The following KIAA0586 variants were observed in gnomAD, a reference collection of about 807,000 sequenced individuals.
The protein encoded by KIAA0586 is protein TALPID3.
KIAA0586 carries 144 observed loss-of-function variants against 169.8 expected under a neutral mutation model. The ratio of observed to expected loss-of-function variants is 0.85; its 90% CI spans 0.74 to 0.97. The LOEUF (loss-of-function observed/expected upper bound fraction) is 0.97. KIAA0586 is among the 50% of genes least tolerant of loss of function. The pLI, the probability that KIAA0586 is intolerant of heterozygous loss-of-function variation, is 0.00. For synonymous variants in KIAA0586, 625 were observed against 612.4 expected, an observed-to-expected ratio of 1.02 and a Z score of -0.30; for missense variants, 1,854 against 1,823.0, an observed-to-expected ratio of 1.02 and a Z score of -0.31.
intron 6 of KIAA0586, among the ~76,000 whole-genome samples, chr14:58,445,949 G>A (rs112765075): frequency 2.8e-4 from 42 of 151,338 alleles, no homozygotes; most frequent in African/African-American, 1.0e-3. Flanking sequence ...GTTCACTGCA[G>A]CCTCCGCCTC....
At chr14:58,471,335 T>A (rs963516841) in intron 17 of KIAA0586, among the ~76,000 whole-genome samples, 1 of 152,212 alleles carries the variant, frequency 6.6e-6, no homozygotes, top group Non-Finnish European at 1.5e-5. Flanking sequence ...ATTATAGATA[T>A]CCTAAATGAA....
chr14:58,540,240 T>G, intron 30 of KIAA0586, 104 bp downstream of exon 30: 1 of 632,166 alleles, frequency 1.6e-6, no homozygotes, highest in South Asian at 2.2e-5. Context: ...GAAATACTAA[T>G]AGCAATTTTT....
At chr14:58,559,005 C>T in the KIAA0586 span, among the ~76,000 whole-genome samples, 1 of 152,160 alleles carries the variant, frequency 6.6e-6, no homozygotes. Context: ...TGGATGCGGT[C>T]CTTATTCTTA....
intron 26 of KIAA0586, among the ~76,000 whole-genome samples, chr14:58,497,615 GA>G (rs1317779769): frequency 6.6e-6 from 1 of 151,360 alleles, no homozygotes; most frequent in East Asian, 2.0e-4. Context: ...TGCCCGCCTT[GA>G]CCTCCCAAAG....
intron 8 of KIAA0586, among the ~76,000 whole-genome samples, chr14:58,452,472 A>G (rs1374916864): frequency 1.3e-5 from 2 of 152,216 alleles, no homozygotes; most frequent in African/African-American, 4.8e-5. Flanking sequence ...AAAGAAGGCA[A>G]CCTCACACCA....
intron 28 of KIAA0586, among the ~76,000 whole-genome samples, chr14:58,510,174 T>G (rs1276025144): frequency 6.6e-6 from 1 of 152,082 alleles, no homozygotes; most frequent in African/African-American, 2.4e-5. Flanking sequence ...ATCGAGACCA[T>G]CTTGGCCAAC....
chr14:58,472,526 T>G (rs2041306417), intron 18 of KIAA0586, among the ~76,000 whole-genome samples: 1 of 152,106 alleles, frequency 6.6e-6, no homozygotes, highest in African/African-American at 2.4e-5. Context: ...TCTATCTGTT[T>G]CCTGCTTTCT....
intron 29 of KIAA0586, among the ~76,000 whole-genome samples, chr14:58,516,991 T>A (rs2044811705): frequency 6.6e-6 from 1 of 152,046 alleles, no homozygotes; most frequent in Non-Finnish European, 1.5e-5. Context: ...AAAAATGAGC[T>A]AAAAAATGGA....
chr14:58,512,377 A>C, intron 28 of KIAA0586, 145 bp from the exon 29 acceptor site: 2 of 528,230 alleles, frequency 3.8e-6, no homozygotes, highest in Non-Finnish European at 6.7e-6. Flanking sequence ...TATTGGTAGA[A>C]GTGCGAATAA....
rs1426853023 is a variant in KIAA0586 at position 58,488,035 on chromosome 14, A to T, written c.3453A>T (p.Pro1151=). ...LKVSSPELPK[P]WGDGDLPLEE... The stretch of plus-strand genomic sequence containing the variant: ...TATCAAGCCCAGAGCTTCCCAAGCC[A>T]TGGGGTGATGGAGACCTGCCACTGG... The change falls in exon 23 of 31, where the codon CCA becomes CCT. Residue 1151 remains proline, a synonymous_variant. Coordinates refer to ENST00000652326, the MANE Select transcript of KIAA0586 (RefSeq NM_001329943.3). 1.2e-6 allele frequency: 2 copies of T among 1,610,434 alleles called. No homozygotes were observed. The highest frequency in any genetic ancestry group is 1.7e-6 in the Non-Finnish European group (2 of 1,178,382).
chr14:58,457,728 T>C, intron 10 of KIAA0586, 31 bp from the exon 11 acceptor site: 5 of 1,394,284 alleles, frequency 3.6e-6, no homozygotes, highest in Non-Finnish European at 5.0e-6. Flanking sequence ...GTTGTGAGTT[T>C]AGTAACTTTC....
At chr14:58,557,901 CTTTT>C in the KIAA0586 span, among the ~76,000 whole-genome samples, 119 of 42,496 alleles carry the variant, frequency 2.8e-3, 1 homozygote, top group Middle Eastern at 0.022. Flanking sequence ...CCTGAGAAAT[CTTTT>C]TTTTTTTTTT....
intron 21 of KIAA0586, among the ~76,000 whole-genome samples, chr14:58,484,916 A>T (rs12434072): frequency 3.7e-3 from 12 of 3,286 alleles, no homozygotes; most frequent in Admixed American, 0.011. Flanking sequence ...ATATATATAT[A>T]TATATATATT....
intron 14 of KIAA0586, chr14:58,463,989 A>T: frequency 2.2e-6 from 1 of 455,078 alleles, no homozygotes; most frequent in South Asian, 1.6e-5. Context: ...TCGGTGGTGT[A>T]GACACCCCTG....
At chr14:58,438,443 A>T (rs1475661575) in intron 4 of KIAA0586, among the ~76,000 whole-genome samples, 1 of 152,198 alleles carries the variant, frequency 6.6e-6, no homozygotes, top group Non-Finnish European at 1.5e-5. Flanking sequence ...AAATATATAT[A>T]TTGAGCACTT....
chr14:58,521,370 A>T, intron 29 of KIAA0586: 1 of 970,158 alleles, frequency 1.0e-6, no homozygotes, highest in Non-Finnish European at 1.6e-6. Context: ...CTCTGTTCAT[A>T]AGGGCTTTGC....
intron 21 of KIAA0586, 75 bp downstream of exon 21, chr14:58,482,787 T>C (rs1347134549): frequency 1.0e-6 from 1 of 979,160 alleles, no homozygotes; most frequent in South Asian, 2.0e-5. Context: ...CATAAGATCA[T>C]TGTTTGTGGT....
chr14:58,444,672 C>T (rs2038700850), intron 6 of KIAA0586, among the ~76,000 whole-genome samples: 1 of 152,066 alleles, frequency 6.6e-6, no homozygotes, highest in Non-Finnish European at 1.5e-5. Context: ...GATCTGCCTT[C>T]CTCGGCCTCC....
intron 1 of KIAA0586, 54 bp downstream of exon 1, chr14:58,428,517 C>T (rs2037055743): frequency 2.3e-6 from 3 of 1,316,830 alleles, no homozygotes; most frequent in Non-Finnish European, 3.2e-6. Context: ...AATCTTTAGT[C>T]CTTATTTGTT....
Sources: gnomAD v4.1 joint callset for allele counts (sites outside exome capture counted in the v4.1 genomes callset) on GRCh38, gnomAD v4.1.1 for gene constraint, MANE v1.5 for transcripts, NCBI Gene and HGNC (gene_info 2026-07-23, HGNC 2026-07-21) for gene names.